SNTG1: variants seen among roughly 807,000 people sequenced by gnomAD.
SNTG1 encodes syntrophin gamma 1, also known as gamma-1-syntrophin.
In SNTG1, 39 loss-of-function variants were observed where a neutral mutation model predicts 74.7. The ratio of observed to expected loss-of-function variants is 0.52; its 90% CI spans 0.40 to 0.68. The LOEUF is 0.68. SNTG1 is among the 30% of genes least tolerant of loss of function. The pLI, the probability that SNTG1 is intolerant of heterozygous loss-of-function variation, is 0.00. For synonymous variants in SNTG1, 254 were observed against 217.1 expected, an observed-to-expected ratio of 1.17 and a Z score of -1.49; for missense variants, 685 against 609.5, an observed-to-expected ratio of 1.12 and a Z score of -1.30.
intron 2 of SNTG1, among the ~76,000 whole-genome samples, chr8:50,225,736 G>A (rs1279516903): frequency 6.6e-6 from 1 of 152,040 alleles, no homozygotes. Flanking sequence ...AAGTGCTTGA[G>A]TAAGAGAAAA....
Position 50,393,617 on chromosome 8 carries a change from G to C in SNTG1, c.-27-595G>C, listed in dbSNP as rs1311699943. 6.6e-5 allele frequency among the ~76,000 whole-genome samples: 10 copies of C among 151,962 alleles called. No individual in the cohort carries two copies. In the East Asian group the frequency reaches 1.9e-3, roughly 29 times the overall value. ...TATTTAAATCTACATTCATCATTTAGGTATTATAGTGACCATAGATGAATC... is the reference window on the plus strand; with the variant it reads ...TATTTAAATCTACATTCATCATTTACGTATTATAGTGACCATAGATGAATC... On this transcript the variant is annotated intron_variant, in intron 2 of 18. Coordinates refer to ENST00000642720, the MANE Select transcript of SNTG1 (RefSeq NM_018967.5).
chr8:50,278,717 A>G (rs1330472614), intron 2 of SNTG1, among the ~76,000 whole-genome samples: 1 of 152,148 alleles, frequency 6.6e-6, no homozygotes, highest in Non-Finnish European at 1.5e-5. Context: ...GGAAAAATGT[A>G]GAATTTTTTT....
chr8:50,502,728 T>A, intron 8 of SNTG1, 50 bp from the exon 9 acceptor site: 1 of 1,454,712 alleles, frequency 6.9e-7, no homozygotes, highest in Non-Finnish European at 9.5e-7. Context: ...TGCCATCATA[T>A]AACATGATAA....
chr8:50,663,451 T>C (rs1476105877), intron 15 of SNTG1, among the ~76,000 whole-genome samples: 1 of 152,052 alleles, frequency 6.6e-6, no homozygotes, highest in East Asian at 1.9e-4. Context: ...AACCAGGGCA[T>C]GGACAGCGGG....
At chr8:50,659,136 T>G (rs1050270086) in intron 15 of SNTG1, among the ~76,000 whole-genome samples, 1 of 152,214 alleles carries the variant, frequency 6.6e-6, no homozygotes, top group African/African-American at 2.4e-5. Flanking sequence ...ATCTCATGGC[T>G]TGACCATCTT....
At chr8:50,581,838 C>T (rs6473235) in intron 12 of SNTG1, among the ~76,000 whole-genome samples, 38,872 of 152,114 alleles carry the variant, frequency 0.26, 8,433 homozygotes, top group African/African-American at 0.59. Context: ...GCAGAGCATC[C>T]TATTGAAAAT....
chr8:50,664,380 G>A (rs1037464963), intron 15 of SNTG1, among the ~76,000 whole-genome samples: 1 of 152,220 alleles, frequency 6.6e-6, no homozygotes, highest in Admixed American at 6.6e-5. Flanking sequence ...TATCAAGAAT[G>A]AGAAAAAGCT....
intron 1 of SNTG1, among the ~76,000 whole-genome samples, chr8:50,055,528 C>G (rs921124040): frequency 2.0e-5 from 3 of 152,104 alleles, no homozygotes; most frequent in Non-Finnish European, 4.4e-5. Flanking sequence ...GGGAGGAAAA[C>G]AGATGTCTTC....
chr8:50,321,152 T>C (rs545700065), intron 2 of SNTG1, among the ~76,000 whole-genome samples: 22 of 152,230 alleles, frequency 1.4e-4, no homozygotes, highest in African/African-American at 5.1e-4. Flanking sequence ...CCAGCTATTA[T>C]TGTGTCCAGG....
chr8:50,667,992 G>A (rs772360574), intron 15 of SNTG1, among the ~76,000 whole-genome samples: 1 of 151,930 alleles, frequency 6.6e-6, no homozygotes, highest in Non-Finnish European at 1.5e-5. Context: ...AGGTTTTAGT[G>A]TTGCTGCTCT....
At chr8:50,534,780 C>T (rs905559346) in intron 10 of SNTG1, among the ~76,000 whole-genome samples, 4 of 151,964 alleles carry the variant, frequency 2.6e-5, no homozygotes, top group Non-Finnish European at 4.4e-5. Context: ...GTCTCAAAAA[C>T]TAAAAATAAA....
chr8:50,528,599 A>G (rs182737921), intron 9 of SNTG1, among the ~76,000 whole-genome samples: 105 of 151,898 alleles, frequency 6.9e-4, no homozygotes, highest in Non-Finnish European at 1.3e-3. Context: ...TATGTCCATA[A>G]GAGTTGATAG....
At chr8:50,481,104 T>C (rs2093736161) in intron 8 of SNTG1, among the ~76,000 whole-genome samples, 1 of 152,178 alleles carries the variant, frequency 6.6e-6, no homozygotes, top group African/African-American at 2.4e-5. Context: ...CAGCACAGGC[T>C]GGGCGCGGTG....
chr8:50,076,121 C>G (rs567274585), intron 1 of SNTG1, among the ~76,000 whole-genome samples: 1 of 152,230 alleles, frequency 6.6e-6, no homozygotes, highest in South Asian at 2.1e-4. Context: ...ATGAGGTAAA[C>G]CTGTGGAAGC....
At chr8:50,024,803 A>T (rs549374038) in intron 1 of SNTG1, among the ~76,000 whole-genome samples, 1 of 152,280 alleles carries the variant, frequency 6.6e-6, no homozygotes, top group African/African-American at 2.4e-5. Context: ...AAGAGTATGA[A>T]AAAGATGGCT....
At chr8:50,471,069 A>G (rs534667590) in intron 8 of SNTG1, among the ~76,000 whole-genome samples, 1 of 152,202 alleles carries the variant, frequency 6.6e-6, no homozygotes, top group East Asian at 1.9e-4. Context: ...TTAGCTAGAC[A>G]CAGAGTGCTG....
intron 2 of SNTG1, among the ~76,000 whole-genome samples, chr8:50,281,992 C>A (rs927616921): frequency 2.6e-5 from 4 of 152,154 alleles, no homozygotes; most frequent in Non-Finnish European, 5.9e-5. Context: ...CTTGGACAAG[C>A]ACTGCCATTT....
chr8:49,966,898 G>A (rs1811193070), intron 1 of SNTG1, among the ~76,000 whole-genome samples: 1 of 151,956 alleles, frequency 6.6e-6, no homozygotes, highest in Non-Finnish European at 1.5e-5. Flanking sequence ...ATTGTTCGAT[G>A]GTTATATTGC....
intron 1 of SNTG1, among the ~76,000 whole-genome samples, chr8:50,006,021 G>A (rs867064033): frequency 3.1e-5 from 4 of 130,874 alleles, no homozygotes; most frequent in African/African-American, 1.2e-4. Context: ...CTGGAGTGCA[G>A]TGGCCATCTG....
Sources: allele counts gnomAD v4.1 joint callset (sites outside exome capture counted in the v4.1 genomes callset), GRCh38; gene constraint gnomAD v4.1.1; transcripts MANE v1.5; gene names NCBI Gene and HGNC (gene_info 2026-07-23, HGNC 2026-07-21).